ARHGAP32: variants seen among roughly 807,000 people sequenced by gnomAD.
ARHGAP32 encodes the protein rho GTPase-activating protein 32.
Under a neutral mutation model 186.5 loss-of-function variants are expected in ARHGAP32, and 51 were observed. The ratio of observed to expected loss-of-function variants is 0.27; its 90% confidence interval spans 0.22 to 0.35. The LOEUF is 0.35. ARHGAP32 is among the 10% of genes least tolerant of loss of function. ARHGAP32 has a pLI of 1.00. For synonymous variants in ARHGAP32, 950 were observed against 964.3 expected (o/e 0.99, Z 0.27); for missense variants, 2,186 against 2,623.5 (o/e 0.83, Z 3.64).
intron 15 of ARHGAP32, among the ~76,000 whole-genome samples, chr11:128,982,438 T>C (rs1445057283): frequency 6.6e-6 from 1 of 151,680 alleles, no homozygotes; most frequent in African/African-American, 2.4e-5. Flanking sequence ...AAACAAGACA[T>C]GATCACCTTA....
At chr11:129,060,967 C>A (rs567971896) in intron 10 of ARHGAP32, among the ~76,000 whole-genome samples, 5 of 150,872 alleles carry the variant, frequency 3.3e-5, no homozygotes, top group African/African-American at 1.2e-4. Flanking sequence ...ACAATTTGCC[C>A]GAGACAACAC....
At chr11:129,041,954 G>A (rs1939611318) in intron 10 of ARHGAP32, among the ~76,000 whole-genome samples, 1 of 152,180 alleles carries the variant, frequency 6.6e-6, no homozygotes, top group Admixed American at 6.5e-5. Flanking sequence ...GGGAAGAATG[G>A]AATAGTTTTC....
At chr11:129,249,719 C>T (rs900054453) in intron 1 of ARHGAP32, among the ~76,000 whole-genome samples, 6 of 151,578 alleles carry the variant, frequency 4.0e-5, no homozygotes, top group Admixed American at 6.6e-5. Context: ...AATAAGGAAA[C>T]AAATGGAATA....
At chr11:129,256,844 T>C (rs1030173339) in intron 1 of ARHGAP32, among the ~76,000 whole-genome samples, 2 of 152,186 alleles carry the variant, frequency 1.3e-5, no homozygotes, top group African/African-American at 4.8e-5. Flanking sequence ...AGAGAAGCGC[T>C]TGCTGACATT....
At position 129,192,246 on chromosome 11, in the gene ARHGAP32, A is replaced by C; in HGVS notation, c.-48T>G. On this transcript the variant is annotated 5_prime_UTR_variant, in exon 1 of 23. Coordinates refer to ENST00000682385, the MANE Select transcript of ARHGAP32 (RefSeq NM_001378024.1). ...AACTAAACCTCCAGGCATGGAATAA[A>C]AAGCACCAACATTCAGGTTGTTCAG... 7.4e-7 allele frequency: 1 copy of C among 1,357,910 alleles called. No individual in the cohort carries two copies. Among genetic ancestry groups the C allele is most frequent in the Non-Finnish European group, 1.1e-6 (1 of 952,020 alleles). 84.1% of individuals were successfully genotyped at this position (1,357,910 alleles called of 1,614,324 possible). A position where few individuals can be genotyped will look rare whatever the true frequency, so the allele number is the denominator to read the frequency against.
At chr11:129,255,471 A>G (rs1372413427) in intron 1 of ARHGAP32, among the ~76,000 whole-genome samples, 1 of 152,132 alleles carries the variant, frequency 6.6e-6, no homozygotes, top group Admixed American at 6.6e-5. Flanking sequence ...CAGACATTAG[A>G]GTAGGCAAAA....
rs574573913 is a variant in ARHGAP32, at chr11:129,171,944, A to G, written c.117-7517T>C. Among the ~76,000 whole-genome samples the G allele has an allele frequency of 2.6e-5, 4 of 152,246 alleles. No individual in the cohort carries two copies. In the South Asian group the frequency reaches 8.3e-4, roughly 32 times the overall value. ...TCTCTTTGTAGCAATTATGAATGTG[A>G]GTTCATTCATGATTTGGCTCTCTGC... On this transcript the variant is annotated intron_variant, in intron 1 of 22. Transcript: ENST00000682385.
chr11:129,137,731 T>C (rs1010918287), intron 2 of ARHGAP32, among the ~76,000 whole-genome samples: 12 of 152,068 alleles, frequency 7.9e-5, no homozygotes, highest in African/African-American at 2.9e-4. Context: ...TTTGAGGGTG[T>C]GTGTCTGTGT....
intron 2 of ARHGAP32, among the ~76,000 whole-genome samples, chr11:129,156,468 G>A (rs944392076): frequency 2.6e-5 from 4 of 152,124 alleles, no homozygotes; most frequent in Non-Finnish European, 5.9e-5. Flanking sequence ...TGTAAACAAA[G>A]CCCCTGGGAA....
chr11:129,215,031 T>C (rs1944628261), intron 1 of ARHGAP32, among the ~76,000 whole-genome samples: 1 of 152,104 alleles, frequency 6.6e-6, no homozygotes, highest in Non-Finnish European at 1.5e-5. Context: ...TCAAAATGGA[T>C]ATACCTCACA....
chr11:129,151,983 TA>T (rs1276542869), intron 2 of ARHGAP32, among the ~76,000 whole-genome samples: 15 of 152,128 alleles, frequency 9.9e-5, no homozygotes, highest in African/African-American at 3.4e-4. Flanking sequence ...TTAGCAAGAT[TA>T]ACCGAGAAAA....
chr11:128,981,707 G>T, intron 16 of ARHGAP32, 122 bp downstream of exon 16: 1 of 1,130,994 alleles, frequency 8.8e-7, no homozygotes, highest in South Asian at 1.6e-5. Context: ...CTGTTTTAGG[G>T]AGATGCAAAT....
chr11:129,269,300 A>T (rs1945445486), intron 1 of ARHGAP32, among the ~76,000 whole-genome samples: 1 of 152,094 alleles, frequency 6.6e-6, no homozygotes, highest in South Asian at 2.1e-4. Flanking sequence ...TAATTAAACA[A>T]ATAAGCAAAT....
chr11:129,020,873 T>C (rs568889772), intron 11 of ARHGAP32, among the ~76,000 whole-genome samples: 2 of 152,190 alleles, frequency 1.3e-5, no homozygotes, highest in African/African-American at 4.8e-5. Context: ...TTGATCAATA[T>C]ATCACAAACA....
intron 6 of ARHGAP32, among the ~76,000 whole-genome samples, chr11:129,084,088 T>TA (rs1941305706): frequency 6.6e-6 from 1 of 151,824 alleles, no homozygotes; most frequent in African/African-American, 2.4e-5. Context: ...TTTAAAAAGA[T>TA]ACATCCACCA....
intron 10 of ARHGAP32, among the ~76,000 whole-genome samples, chr11:129,051,475 C>T (rs535510592): frequency 6.6e-6 from 1 of 152,302 alleles, no homozygotes; most frequent in African/African-American, 2.4e-5. Context: ...CCTTTGCCCA[C>T]TTTTTGATGG....
intron 1 of ARHGAP32, among the ~76,000 whole-genome samples, chr11:129,277,038 TC>T (rs1945539886): frequency 6.6e-6 from 1 of 152,212 alleles, no homozygotes; most frequent in Admixed American, 6.5e-5. Flanking sequence ...TATGTTAAGT[TC>T]CTTTTTGTTT....
chr11:129,260,569 C>T (rs1157091221), intron 1 of ARHGAP32, among the ~76,000 whole-genome samples: 1 of 151,992 alleles, frequency 6.6e-6, no homozygotes, highest in African/African-American at 2.4e-5. Context: ...TCTGTAACTG[C>T]GAAACACCTT....
chr11:129,064,291 T>C (rs973995566), intron 8 of ARHGAP32, among the ~76,000 whole-genome samples: 9 of 152,162 alleles, frequency 5.9e-5, no homozygotes, highest in Non-Finnish European at 1.2e-4. Context: ...AGAGGCTATG[T>C]AATTTACAAG....
Sources: gnomAD v4.1 joint callset for allele counts (sites outside exome capture counted in the v4.1 genomes callset) on GRCh38, gnomAD v4.1.1 for gene constraint, MANE v1.5 for transcripts, NCBI Gene and HGNC (gene_info 2026-07-23, HGNC 2026-07-21) for gene names.